PEAK1: variants seen among roughly 807,000 people sequenced by gnomAD.
The protein encoded by PEAK1 is pseudopodium enriched atypical kinase 1.
In PEAK1, 54 loss-of-function variants were observed where a neutral mutation model predicts 124.7. The ratio of observed to expected loss-of-function variants is 0.43; its 90% CI spans 0.35 to 0.54. PEAK1 has a LOEUF of 0.54. Among genes scored for constraint, PEAK1 ranks in the 20% least tolerant of loss-of-function variants. The pLI is 0.01. For synonymous variants in PEAK1, 719 were observed against 760.0 expected (o/e 0.95, Z 0.89); for missense variants, 2,046 against 2,134.5 (o/e 0.96, Z 0.82).
chr15:77,251,348 T>C (rs569991320), intron 6 of PEAK1, among the ~76,000 whole-genome samples: 1 of 152,192 alleles, frequency 6.6e-6, no homozygotes, highest in Non-Finnish European at 1.5e-5. Flanking sequence ...AAAAATCTTA[T>C]AATCCTTCAA....
At chr15:77,338,833 GATAAAATTAACACTT>G (rs2066360194) in intron 2 of PEAK1, among the ~76,000 whole-genome samples, 1 of 151,682 alleles carries the variant, frequency 6.6e-6, no homozygotes, top group Admixed American at 6.6e-5. Context: ...AAGAAACCAT[GATAAAATTAACACTT>G]ATAGTAAATT....
At chr15:77,410,658 G>A (rs1293237697) in intron 1 of PEAK1, among the ~76,000 whole-genome samples, 1 of 152,140 alleles carries the variant, frequency 6.6e-6, no homozygotes, top group Non-Finnish European at 1.5e-5. Context: ...CTACTTGTTA[G>A]GAACTGTGCT....
chr15:77,408,160 C>T (rs879894310), intron 1 of PEAK1, among the ~76,000 whole-genome samples: 3,699 of 148,660 alleles, frequency 0.025, 76 homozygotes, highest in Non-Finnish European at 0.038. Flanking sequence ...TACATACACA[C>T]ACACACACAC....
At chr15:77,420,624 T>TAAAAAAAA, upstream of PEAK1, 2 of 330,514 alleles carry the variant, frequency 6.1e-6, no homozygotes, top group Non-Finnish European at 1.1e-5. Flanking sequence ...GCCTTCGCAA[T>TAAAAAAAA]AAAAAAAAAA....
At chr15:77,217,413 T>C (rs1317480776) in intron 6 of PEAK1, among the ~76,000 whole-genome samples, 1 of 152,118 alleles carries the variant, frequency 6.6e-6, no homozygotes, top group Admixed American at 6.5e-5. Flanking sequence ...GGCAAAAGAA[T>C]GATAATATCT....
In PEAK1 at chr15:77,250,172, T is replaced by TATAC. The variant is rs1555456283; in HGVS notation, c.-115+2194_-115+2195insGTAT. Among the ~76,000 whole-genome samples the TATAC allele has an allele frequency of 4.4e-5, 6 of 134,990 alleles. No homozygotes were observed. The East Asian group carries it at 8.3e-4, about 19-fold the overall frequency. The allele number at this position is 134,990 out of a possible 152,430, so 88.6% of individuals were successfully genotyped here. ...ATATATATACATATATATACATATATATGTATATGTATATATATACATATA... is the reference window on the plus strand; with the variant it reads ...ATATATATACATATATATACATATATATACATGTATATGTATATATATACATATA... On this transcript the variant is annotated intron_variant, in intron 6 of 9. Transcript: ENST00000682557.
At chr15:77,167,778 T>C (rs1290874188) in intron 7 of PEAK1, among the ~76,000 whole-genome samples, 4 of 152,224 alleles carry the variant, frequency 2.6e-5, no homozygotes, top group African/African-American at 9.6e-5. Flanking sequence ...AGGGTACACA[T>C]GCACAACGTG....
intron 2 of PEAK1, chr15:77,336,046 A>C: frequency 1.0e-6 from 1 of 985,428 alleles, no homozygotes; most frequent in Non-Finnish European, 1.2e-6. Context: ...TTTGAAGGTA[A>C]GATAACAAGA....
intron 2 of PEAK1, among the ~76,000 whole-genome samples, chr15:77,297,161 G>A (rs1461240587): frequency 6.6e-6 from 1 of 151,874 alleles, no homozygotes; most frequent in Non-Finnish European, 1.5e-5. Context: ...CACAGAGAAT[G>A]TGAAATGCTC....
chr15:77,179,517 C>T lies in PEAK1; in HGVS notation c.2410G>A (p.Asp804Asn). ...CTCTTAGGTGTGCTCTTAGCAACAT[C>T]AGCATCTGGAGGAATGGCATAAAGC... ...EELYAIPPDA[D>N]VAKSTPKSTP... The change falls in exon 7 of 10, where the codon GAT (aspartate) becomes AAT (asparagine). Residue 804 changes from aspartate (D) to asparagine (N), a missense_variant. Transcript: ENST00000682557. The T allele has an allele frequency of 1.2e-6, 2 of 1,614,124 alleles. No individual in the cohort carries two copies. The highest frequency in any genetic ancestry group is 1.3e-5 in the African/African-American group (1 of 75,018).
intron 2 of PEAK1, among the ~76,000 whole-genome samples, chr15:77,364,703 T>C (rs552334472): frequency 1.3e-5 from 2 of 152,328 alleles, no homozygotes; most frequent in Admixed American, 1.3e-4. Flanking sequence ...ACTATTAACC[T>C]ATATCCTTAT....
intron 8 of PEAK1, among the ~76,000 whole-genome samples, chr15:77,134,349 G>A (rs1359481782): frequency 6.6e-6 from 1 of 152,188 alleles, no homozygotes; most frequent in African/African-American, 2.4e-5. Flanking sequence ...CTATAGAGAT[G>A]GATTCTGACA....
At chr15:77,140,983 G>A (rs900750740) in intron 8 of PEAK1, among the ~76,000 whole-genome samples, 1 of 152,122 alleles carries the variant, frequency 6.6e-6, no homozygotes, top group Non-Finnish European at 1.5e-5. Flanking sequence ...GATTACAGGT[G>A]TGAGCCACTG....
chr15:77,352,917 A>G lies in PEAK1; in HGVS notation c.-603+12246T>C, dbSNP rs948609180. 4 of 985,208 alleles carry G rather than the reference A, an allele frequency of 4.1e-6. No individual in the cohort carries two copies. The African/African-American group carries it at 5.2e-5, about 13-fold the overall frequency. 61.0% of individuals were successfully genotyped at this position (985,208 alleles called of 1,614,324 possible). ...GACTAAAGGCACATATTTGCTATAC[A>G]CAAATGAGCTAATGTATTGTACTGC... On this transcript the variant is annotated intron_variant, in intron 2 of 9. Coordinates refer to ENST00000682557, the MANE Select transcript of PEAK1 (RefSeq NM_001385026.1).
In PEAK1 at chr15:77,244,037, A is replaced by G. The variant is rs115253120; in HGVS notation, c.-115+8330T>C. ...GCAAAAGTGATCACATTCAACTCCT[A>G]CTTCTCTTTTCCACATCTGTGGAAT... is the stretch of plus-strand genomic sequence containing the variant. On this transcript the variant is annotated intron_variant, in intron 6 of 9. Transcript: ENST00000682557. 1.5e-3 allele frequency among the ~76,000 whole-genome samples: 229 copies of G among 152,184 alleles called. 2 individuals carry two copies. Among genetic ancestry groups the G allele is most frequent in the African/African-American group, 5.3e-3 (221 of 41,562 alleles).
chr15:77,250,192 C>CATATATACATATATATGT (rs1555456334), intron 6 of PEAK1, among the ~76,000 whole-genome samples: 24 of 104,102 alleles, frequency 2.3e-4, no homozygotes, highest in African/African-American at 7.7e-4. Context: ...TATATATATA[C>CATATATACATATATATGT]ATATATATAC....
At chr15:77,392,388 A>T (rs770323259) in intron 1 of PEAK1, among the ~76,000 whole-genome samples, 14 of 152,244 alleles carry the variant, frequency 9.2e-5, no homozygotes, top group Non-Finnish European at 1.9e-4. Context: ...ATATAGCAAG[A>T]GAACAAAATA....
intron 2 of PEAK1, chr15:77,350,255 ACT>A (rs1441636300): frequency 7.1e-6 from 7 of 985,290 alleles, no homozygotes; most frequent in African/African-American, 1.7e-5. Flanking sequence ...AACAGTAACC[ACT>A]CACACTAATT....
rs200261898 is a variant in PEAK1, at chr15:77,318,728, TCC to T, written c.-602-32226_-602-32225del. 1.5e-3 allele frequency among the ~76,000 whole-genome samples: 223 copies of T among 152,168 alleles called. 6 individuals carry two copies. In the East Asian group the frequency reaches 0.03, roughly 20 times the overall value. On this transcript the variant is annotated intron_variant, in intron 2 of 9. Coordinates refer to ENST00000682557, the MANE Select transcript of PEAK1 (RefSeq NM_001385026.1). ...TTAGAATAAATACCTATTCTAATTC[TCC>T]TTTATGAATTTAGCAAACATGCGGT...
Sources: gnomAD v4.1 joint callset for allele counts (sites outside exome capture counted in the v4.1 genomes callset) on GRCh38, gnomAD v4.1.1 for gene constraint, MANE v1.5 for transcripts, NCBI Gene and HGNC (gene_info 2026-07-23, HGNC 2026-07-21) for gene names.